SNRPC: variants seen among roughly 807,000 people sequenced by gnomAD.
SNRPC encodes the protein small nuclear ribonucleoprotein polypeptide C, also known as U1 small nuclear ribonucleoprotein C.
In SNRPC, 5 loss-of-function variants were observed where a neutral mutation model predicts 20.0. The observed-to-expected ratio is 0.25, with a 90% CI of 0.13 to 0.53. The LOEUF (loss-of-function observed/expected upper bound fraction) is 0.53. Among genes scored for constraint, SNRPC ranks in the 20% least tolerant of loss-of-function variants. The pLI, the probability that SNRPC is intolerant of heterozygous loss-of-function variation, is 0.96. For missense variants in SNRPC, 112 were observed against 224.1 expected (o/e 0.50, Z 3.19); for synonymous variants, 61 against 58.7 (o/e 1.04, Z -0.18).
chr6:34,762,745 ATTCT>A (rs776023946), intron 3 of SNRPC, 42 bp downstream of exon 3: 1 of 993,642 alleles, frequency 1.0e-6, no homozygotes, highest in South Asian at 1.3e-5. Context: ...AAATGGTCCT[ATTCT>A]TTCTTATCCC....
chr6:34,765,359 C>G (rs1170456622), intron 3 of SNRPC, among the ~76,000 whole-genome samples: 1 of 152,138 alleles, frequency 6.6e-6, no homozygotes, highest in Non-Finnish European at 1.5e-5. Context: ...CTTTCTCCTT[C>G]CTGGATTATT....
chr6:34,767,028 AAAAT>A (rs1023561828), intron 3 of SNRPC, among the ~76,000 whole-genome samples: 3 of 152,194 alleles, frequency 2.0e-5, no homozygotes, highest in Non-Finnish European at 2.9e-5. Flanking sequence ...ATCTGAAAAA[AAAAT>A]TTTTAAATTG....
chr6:34,768,493 T>C (rs973553287), intron 4 of SNRPC, among the ~76,000 whole-genome samples: 3 of 152,184 alleles, frequency 2.0e-5, no homozygotes, highest in African/African-American at 7.2e-5. Context: ...GGTTCACACC[T>C]GTAATCCCAG....
At chr6:34,759,041 A>AG (rs1200162843) in intron 2 of SNRPC, among the ~76,000 whole-genome samples, 6,979 of 145,652 alleles carry the variant, frequency 0.048, 398 homozygotes, top group East Asian at 0.27. Context: ...AAAAAAAAAA[A>AG]AAAAGAAAAG....
At chr6:34,771,516 G>C (rs2127408189) in intron 5 of SNRPC, among the ~76,000 whole-genome samples, 1 of 152,114 alleles carries the variant, frequency 6.6e-6, no homozygotes, top group Middle Eastern at 3.4e-3. Flanking sequence ...AAATTGTTGA[G>C]CATTTTTTGG....
chr6:34,767,580 C>CTT (rs1365457716), intron 3 of SNRPC, among the ~76,000 whole-genome samples: 1 of 152,210 alleles, frequency 6.6e-6, no homozygotes, highest in Non-Finnish European at 1.5e-5. Context: ...TGTCCCTGCA[C>CTT]TCCAACATGG....
At chr6:34,768,362 A>G (rs76505053) in intron 4 of SNRPC, among the ~76,000 whole-genome samples, 1 of 152,168 alleles carries the variant, frequency 6.6e-6, no homozygotes, top group Non-Finnish European at 1.5e-5. Context: ...ATTTACTGCT[A>G]TGAGCCCAGC....
Position 34,773,372 on chromosome 6 carries a change from A to G in SNRPC, c.356-74A>G. The G allele has an allele frequency of 2.2e-6, 3 of 1,384,646 alleles. No individual in the cohort carries two copies. The highest frequency in any genetic ancestry group is 3.0e-6 in the Non-Finnish European group (3 of 1,005,660). 85.8% of individuals were successfully genotyped at this position (1,384,646 alleles called of 1,614,324 possible). A position where few individuals can be genotyped will look rare whatever the true frequency, so the allele number is the denominator to read the frequency against. On this transcript the variant is annotated intron_variant, in intron 5 of 5. Coordinates refer to ENST00000244520, the MANE Select transcript of SNRPC (RefSeq NM_003093.3). The surrounding 1 kb of genome is among the most constrained non-coding windows in gnomAD (Gnocchi z 4.1). Reference sequence around the variant, plus strand: ...GGGCTACGTTTTTTGTTTTTAATTGAAGTCCCATCAAACTCTCCCTAAATC... The same window carrying G: ...GGGCTACGTTTTTTGTTTTTAATTGGAGTCCCATCAAACTCTCCCTAAATC...
At chr6:34,764,530 G>A (rs1764589190) in intron 3 of SNRPC, among the ~76,000 whole-genome samples, 1 of 151,972 alleles carries the variant, frequency 6.6e-6, no homozygotes, top group Non-Finnish European at 1.5e-5. Flanking sequence ...GGGCATGGTG[G>A]TGCGTGCCTG....
At chr6:34,768,022 G>A in intron 4 of SNRPC, 25 bp downstream of exon 4, 1 of 1,591,248 alleles carries the variant, frequency 6.3e-7, no homozygotes, top group Non-Finnish European at 8.5e-7. Flanking sequence ...TTAATCTTAA[G>A]GGGTGTGACG....
chr6:34,769,201 A>G (rs1764654620), intron 4 of SNRPC, among the ~76,000 whole-genome samples: 2 of 150,298 alleles, frequency 1.3e-5, no homozygotes, highest in African/African-American at 4.9e-5. Context: ...TGAATTTACC[A>G]TAATTTACCT....
Position 34,766,323 on chromosome 6 carries a change from C to A in SNRPC, c.161-1585C>A, listed in dbSNP as rs550359760. 5.9e-5 allele frequency among the ~76,000 whole-genome samples: 9 copies of A among 152,226 alleles called. No individual in the cohort carries two copies. The East Asian group carries it at 1.7e-3, about 29-fold the overall frequency. On this transcript the variant is annotated intron_variant, in intron 3 of 5. Transcript: ENST00000244520. ...TCAAGCATTCCTCCTGCCTCAGCCT[C>A]CCAAGTAGCTGGGACTACAGGTGCA...
chr6:34,762,264 A>G (rs943090219), intron 2 of SNRPC, among the ~76,000 whole-genome samples: 1 of 151,874 alleles, frequency 6.6e-6, no homozygotes, highest in African/African-American at 2.4e-5. Context: ...AGATCGTGCT[A>G]TTGTATTCCA....
chr6:34,757,808 T>C, intron 1 of SNRPC, 104 bp from the exon 2 acceptor site: 1 of 1,604,974 alleles, frequency 6.2e-7, no homozygotes. Context: ...GTCTGGCTTT[T>C]TGTTTTGTTT....
intron 4 of SNRPC, among the ~76,000 whole-genome samples, chr6:34,768,243 G>A (rs1166677917): frequency 6.6e-6 from 1 of 152,078 alleles, no homozygotes; most frequent in Non-Finnish European, 1.5e-5. Flanking sequence ...CTGTATTTGT[G>A]GAATCCCAAG....
chr6:34,773,634 T>C lies in SNRPC; in HGVS notation c.*64T>C, dbSNP rs1322138061. The C allele has an allele frequency of 1.6e-5, 24 of 1,475,144 alleles. No individual in the cohort carries two copies. The highest frequency in any genetic ancestry group is 2.2e-5 in the Non-Finnish European group (23 of 1,065,482). 91.4% of individuals were successfully genotyped at this position (1,475,144 alleles called of 1,614,324 possible). ...CCTGTTCTGCTTCACCAGGAGATCATGCTGCTGTGATACTGAGTTTTCTAA... is the reference window on the plus strand; with the variant it reads ...CCTGTTCTGCTTCACCAGGAGATCACGCTGCTGTGATACTGAGTTTTCTAA... On this transcript the variant is annotated 3_prime_UTR_variant, in exon 6 of 6. Coordinates refer to ENST00000244520, the MANE Select transcript of SNRPC (RefSeq NM_003093.3). This position sits in a 1 kb window ranked among gnomAD's most constrained non-coding sequence, Gnocchi z 4.1.
chr6:34,761,124 G>A (rs1461263067), intron 2 of SNRPC, among the ~76,000 whole-genome samples: 2 of 151,654 alleles, frequency 1.3e-5, no homozygotes, highest in African/African-American at 2.4e-5. Flanking sequence ...TTGGACTTTG[G>A]TTGATTTTTA....
At chr6:34,763,718 T>A (rs1334563558) in intron 3 of SNRPC, among the ~76,000 whole-genome samples, 2 of 150,694 alleles carry the variant, frequency 1.3e-5, no homozygotes, top group African/African-American at 4.9e-5. Context: ...TTTTATTTAT[T>A]TTTATTTATT....
At chr6:34,768,390 G>C (rs1202041937) in intron 4 of SNRPC, among the ~76,000 whole-genome samples, 2 of 152,160 alleles carry the variant, frequency 1.3e-5, no homozygotes, top group African/African-American at 4.8e-5. Context: ...GATTAAAATA[G>C]CTGATAAACT....
Sources: allele counts gnomAD v4.1 joint callset (sites outside exome capture counted in the v4.1 genomes callset), GRCh38; gene constraint gnomAD v4.1.1; non-coding constraint Gnocchi (gnomAD v3.1); transcripts MANE v1.5; gene names NCBI Gene and HGNC (gene_info 2026-07-23, HGNC 2026-07-21).